CPA6: variants seen among roughly 807,000 people sequenced by gnomAD.
The protein encoded by CPA6 is carboxypeptidase B.
CPA6 carries 58 observed loss-of-function variants against 63.3 expected under a neutral mutation model. The ratio of observed to expected loss-of-function variants is 0.92; its 90% CI spans 0.74 to 1.14. The LOEUF (loss-of-function observed/expected upper bound fraction) is 1.14. Ranked by LOEUF, CPA6 falls within the 50% of genes most tolerant of loss-of-function variation. CPA6 has a pLI of 0.00. For synonymous variants in CPA6, 185 were observed against 179.0 expected (o/e 1.03, Z -0.27); for missense variants, 565 against 526.6 (o/e 1.07, Z -0.71).
rs181663812 is a variant in CPA6 at position 67,463,978 on chromosome 8, C to T, written c.838+19790G>A. Among the ~76,000 whole-genome samples, 7 of 152,262 alleles carry T rather than the reference C, an allele frequency of 4.6e-5. No individual in the cohort carries two copies. The East Asian group carries it at 5.8e-4, about 13-fold the overall frequency. On this transcript the variant is annotated intron_variant, in intron 8 of 10. Transcript: ENST00000297770. Reference sequence around the variant, plus strand: ...ATTGTGAATAGTGCTTCAATGAACACGCGAGCGCATGTGTCTTTTGGGTAA... The same window carrying T: ...ATTGTGAATAGTGCTTCAATGAACATGCGAGCGCATGTGTCTTTTGGGTAA...
chr8:67,631,683 C>T (rs1021403228), intron 1 of CPA6, among the ~76,000 whole-genome samples: 6 of 152,204 alleles, frequency 3.9e-5, no homozygotes, highest in Admixed American at 6.5e-5. Flanking sequence ...CCTGTGTAAA[C>T]TTTGTTCTTT....
intron 1 of CPA6, among the ~76,000 whole-genome samples, chr8:67,647,335 C>CTTTCT (rs576153485): frequency 7.2e-4 from 104 of 145,226 alleles, no homozygotes; most frequent in South Asian, 1.8e-3. Context: ...ATAGGATAAT[C>CTTTCT]TTTTTTTTTT....
At chr8:67,524,218 T>C (rs1812316016) in intron 2 of CPA6, among the ~76,000 whole-genome samples, 1 of 152,190 alleles carries the variant, frequency 6.6e-6, no homozygotes, top group Non-Finnish European at 1.5e-5. Flanking sequence ...CAAGGTATGT[T>C]TGTTGTCTGC....
At chr8:67,654,490 G>A (rs1476617467) in intron 1 of CPA6, among the ~76,000 whole-genome samples, 1 of 152,102 alleles carries the variant, frequency 6.6e-6, no homozygotes, top group Non-Finnish European at 1.5e-5. Flanking sequence ...ATGTGTTGAG[G>A]AATTTACCCA....
intron 1 of CPA6, among the ~76,000 whole-genome samples, chr8:67,675,356 G>T (rs1172261151): frequency 6.6e-6 from 1 of 152,140 alleles, no homozygotes; most frequent in Non-Finnish European, 1.5e-5. Flanking sequence ...CTGCCTGCCT[G>T]TAACTCTGGA....
chr8:67,506,790 T>C lies in CPA6; in HGVS notation c.633A>G (p.Lys211=). ...TTGTGTAAAGGGTTTAACTTACTTC[T>C]TTTACAAACCACTGACAAAAGGCAG... The part of the protein sequence containing the change: ...IGPAFCQWFV[K]EALLTYKSDP... The change falls in exon 6 of 11, where the codon AAA becomes AAG. Residue 211 remains lysine, a synonymous_variant. Transcript: ENST00000297770. The C allele has an allele frequency of 6.2e-7, 1 of 1,604,328 alleles. No homozygotes were observed. The highest frequency in any genetic ancestry group is 8.5e-7 in the Non-Finnish European group (1 of 1,171,208).
intron 6 of CPA6, among the ~76,000 whole-genome samples, chr8:67,502,248 A>T (rs1419401527): frequency 6.6e-6 from 1 of 152,086 alleles, no homozygotes; most frequent in Admixed American, 6.6e-5. Flanking sequence ...AGTTGAGCCT[A>T]GGAGTTTGAG....
intron 5 of CPA6, among the ~76,000 whole-genome samples, chr8:67,508,816 T>C (rs1811984748): frequency 6.6e-6 from 1 of 152,022 alleles, no homozygotes; most frequent in East Asian, 1.9e-4. Flanking sequence ...GAATGCAGGG[T>C]CAAGGGATGA....
Position 67,577,859 on chromosome 8 carries a change from A to G in CPA6, c.192+46317T>C, listed in dbSNP as rs1347165708. Among the ~76,000 whole-genome samples the G allele has an allele frequency of 2.0e-5, 3 of 152,176 alleles. No homozygotes were observed. The South Asian group carries it at 6.2e-4, about 32-fold the overall frequency. On this transcript the variant is annotated intron_variant, in intron 2 of 10. Transcript: ENST00000297770. ...GGCCTCTTGCTGATAAGTAATTTCG[A>G]GTCATGTGGGATAAGAAATATGTTG... is the stretch of plus-strand genomic sequence containing the variant.
chr8:67,515,943 T>A (rs1812136201), intron 3 of CPA6, among the ~76,000 whole-genome samples: 5 of 152,208 alleles, frequency 3.3e-5, no homozygotes, highest in Admixed American at 2.0e-4. Context: ...GACCTTAATA[T>A]CTTCCCTGAT....
At chr8:67,619,020 AAGTAACC>A (rs547698543) in intron 2 of CPA6, among the ~76,000 whole-genome samples, 124 of 152,238 alleles carry the variant, frequency 8.1e-4, no homozygotes, top group Non-Finnish European at 1.5e-3. Context: ...TTAATTAGGA[AAGTAACC>A]AGCTTTGTAA....
intron 2 of CPA6, among the ~76,000 whole-genome samples, chr8:67,576,988 C>T (rs1813643809): frequency 1.3e-5 from 2 of 152,074 alleles, no homozygotes; most frequent in African/African-American, 4.8e-5. Flanking sequence ...CTTAGCCTCC[C>T]CAGTAGCTGG....
At chr8:67,651,444 CTTTTA>C (rs1815834610) in intron 1 of CPA6, among the ~76,000 whole-genome samples, 2 of 152,008 alleles carry the variant, frequency 1.3e-5, no homozygotes, top group South Asian at 4.1e-4. Flanking sequence ...ACGCCATTTC[CTTTTA>C]TTTATTTATT....
intron 2 of CPA6, among the ~76,000 whole-genome samples, chr8:67,534,567 C>A (rs1369770562): frequency 6.6e-6 from 1 of 152,146 alleles, no homozygotes; most frequent in Non-Finnish European, 1.5e-5. Flanking sequence ...AGAATAGATG[C>A]ACATTGAAGG....
intron 9 of CPA6, among the ~76,000 whole-genome samples, chr8:67,429,138 A>G (rs1809963219): frequency 6.6e-6 from 1 of 152,132 alleles, no homozygotes. Context: ...TATGCCTCCC[A>G]CAGATCTTAC....
chr8:67,682,445 G>C (rs1395927766), intron 1 of CPA6, among the ~76,000 whole-genome samples: 1 of 151,952 alleles, frequency 6.6e-6, no homozygotes, highest in Non-Finnish European at 1.5e-5. Context: ...TTGAACATTG[G>C]TGTACTGCTA....
chr8:67,636,216 C>A (rs1815466844), intron 1 of CPA6, among the ~76,000 whole-genome samples: 1 of 151,382 alleles, frequency 6.6e-6, no homozygotes, highest in Non-Finnish European at 1.5e-5. Context: ...CCATGGGCAG[C>A]CTATAATTAT....
chr8:67,587,344 G>T (rs530547063), intron 2 of CPA6, among the ~76,000 whole-genome samples: 1 of 152,222 alleles, frequency 6.6e-6, no homozygotes, highest in East Asian at 1.9e-4. Flanking sequence ...GGGGTTGAGG[G>T]GAAAAATGCC....
chr8:67,711,720 C>CACACACACACACACACACACAT (rs764510531), intron 1 of CPA6, among the ~76,000 whole-genome samples: 13 of 151,032 alleles, frequency 8.6e-5, no homozygotes, highest in African/African-American at 3.2e-4. Flanking sequence ...CACACACACA[C>CACACACACACACACACACACAT]ACATCTGAAA....
Sources: allele counts gnomAD v4.1 joint callset (sites outside exome capture counted in the v4.1 genomes callset), GRCh38; gene constraint gnomAD v4.1.1; transcripts MANE v1.5; gene names NCBI Gene and HGNC (gene_info 2026-07-23, HGNC 2026-07-21).